Variants in RUNX1 observed in about 807,000 individuals in gnomAD.
RUNX1 encodes RUNX family transcription factor 1, also known as runt-related transcription factor 1.
Under a neutral mutation model 42.8 loss-of-function variants are expected in RUNX1, and 19 were observed. The observed-to-expected ratio is 0.44, with a 90% confidence interval of 0.31 to 0.65. The LOEUF is 0.65. Ranked by LOEUF, RUNX1 falls within the 30% of genes least tolerant of loss-of-function variation. The pLI, the probability that RUNX1 is intolerant of heterozygous loss-of-function variation, is 0.07. For missense variants in RUNX1, 528 were observed against 672.0 expected (o/e 0.79, Z 2.37); for synonymous variants, 271 against 289.4 (o/e 0.94, Z 0.64).
At chr21:34,823,430 G>GGTTTTTTT (rs58016583) in intron 7 of RUNX1, among the ~76,000 whole-genome samples, 1 of 99,712 alleles carries the variant, frequency 1.0e-5, no homozygotes, top group Non-Finnish European at 1.8e-5. Context: ...TTCCTGGTGG[G>GGTTTTTTT]TTTTTTTTTT....
At chr21:35,010,406 C>T (rs2059117299) in intron 2 of RUNX1, among the ~76,000 whole-genome samples, 1 of 152,102 alleles carries the variant, frequency 6.6e-6, no homozygotes, top group African/African-American at 2.4e-5. Context: ...AAGCACCTGA[C>T]AATTAGGTGC....
At chr21:34,934,184 T>G (rs192373206) in intron 2 of RUNX1, among the ~76,000 whole-genome samples, 1 of 152,310 alleles carries the variant, frequency 6.6e-6, no homozygotes, top group Non-Finnish European at 1.5e-5. Flanking sequence ...CCTTTTCTTT[T>G]GCTTTCACTT....
intron 6 of RUNX1, chr21:34,856,222 GGAATGGCAGGTT>G: frequency 2.4e-6 from 1 of 420,442 alleles, no homozygotes; most frequent in African/African-American, 2.0e-5. Context: ...CTTAGTCAGC[GGAATGGCAGGTT>G]GAATGGCAGT....
chr21:34,850,052 A>G (rs1236001234), intron 6 of RUNX1, among the ~76,000 whole-genome samples: 17 of 152,272 alleles, frequency 1.1e-4, no homozygotes, highest in Non-Finnish European at 1.6e-4. Flanking sequence ...AAAAAACTGA[A>G]GCCTTTGAGA....
rs369123316 is a variant in RUNX1 at position 34,791,699 on chromosome 21, C to T, written c.*436G>A. The T allele has an allele frequency of 2.2e-5, 5 of 231,078 alleles. No individual in the cohort carries two copies. The highest frequency in any genetic ancestry group is 4.3e-5 in the Non-Finnish European group (5 of 116,474). The allele number at this position is 231,078 out of a possible 1,614,324, so 14.3% of individuals were successfully genotyped here. On this transcript the variant is annotated 3_prime_UTR_variant, in exon 9 of 9. Coordinates refer to ENST00000675419, the MANE Select transcript of RUNX1 (RefSeq NM_001754.5). ...GCGAGTTGCATCCCTCCTCTCCCCC[C>T]ACCCCAACCAAAATTCCACACTCTT...
rs1469370290 is a variant in RUNX1 at position 35,029,506 on chromosome 21, A to G, written c.58+19336T>C. Among the ~76,000 whole-genome samples, 3 of 152,280 alleles carry G rather than the reference A, an allele frequency of 2.0e-5. No homozygotes were observed. The East Asian group carries it at 5.8e-4, about 29-fold the overall frequency. On this transcript the variant is annotated intron_variant, in intron 2 of 8. Coordinates refer to ENST00000675419, the MANE Select transcript of RUNX1 (RefSeq NM_001754.5). ...GTGGGGTAGTTATGGAGACCACCTG[A>G]GAGAGCCTGGAACACGGTTGGTGCT...
intron 2 of RUNX1, among the ~76,000 whole-genome samples, chr21:34,946,262 A>T (rs1037215161): frequency 6.6e-6 from 1 of 152,162 alleles, no homozygotes; most frequent in Admixed American, 6.5e-5. Context: ...CAAATGCCTT[A>T]TTCTATCCTG....
chr21:35,027,709 GT>G (rs2059247180), intron 2 of RUNX1, among the ~76,000 whole-genome samples: 1 of 152,198 alleles, frequency 6.6e-6, no homozygotes, highest in Non-Finnish European at 1.5e-5. Flanking sequence ...AGGGTGGGAT[GT>G]GGCAAATAAA....
At chr21:34,824,167 A>C (rs1227302289) in intron 7 of RUNX1, among the ~76,000 whole-genome samples, 1 of 152,100 alleles carries the variant, frequency 6.6e-6, no homozygotes, top group East Asian at 1.9e-4. Context: ...TTTTTTCTTA[A>C]AACAGAAAAT....
rs1273429133 is a variant in RUNX1 at position 34,892,892 on chromosome 21, T to G, written c.97+33A>C. On this transcript the variant is annotated intron_variant, in intron 3 of 8. Coordinates refer to ENST00000675419, the MANE Select transcript of RUNX1 (RefSeq NM_001754.5). ...ATACACATCTATGAAGGTGTGTACT[T>G]TATTTAAAAATATAACTTGGAATTT... The G allele has an allele frequency of 3.0e-6, 4 of 1,317,154 alleles. No homozygotes were observed. The African/African-American group carries it at 5.8e-5, about 19-fold the overall frequency. 81.6% of individuals were successfully genotyped at this position (1,317,154 alleles called of 1,614,324 possible).
intron 2 of RUNX1, among the ~76,000 whole-genome samples, chr21:34,987,251 G>A (rs1197107478): frequency 3.9e-5 from 6 of 152,164 alleles, no homozygotes; most frequent in Admixed American, 1.3e-4. Flanking sequence ...ATCTCGCTTC[G>A]TCCGCCTTGT....
intron 6 of RUNX1, among the ~76,000 whole-genome samples, chr21:34,838,428 G>C (rs1424628203): frequency 6.6e-6 from 1 of 152,186 alleles, no homozygotes; most frequent in Non-Finnish European, 1.5e-5. Flanking sequence ...ATACTCAGAA[G>C]ACTGTCATGA....
At position 34,792,453 on chromosome 21, in the gene RUNX1, C is replaced by T. The variant is rs1437818670; in HGVS notation, c.1125G>A (p.Thr375=). 2 of 1,577,310 alleles carry T rather than the reference C, an allele frequency of 1.3e-6. No individual in the cohort carries two copies. Among genetic ancestry groups the T allele is most frequent in the South Asian group, 2.3e-5 (2 of 86,418 alleles). ...GIGMSAMGSA[T]RYHTYLPPPY... is the part of the protein sequence containing the mutation. ...GCGGCGGCAGGTAGGTGTGGTAGCG[C>T]GTGGCCGAGCCCATGGCCGACATGC... The change falls in exon 9 of 9, where the codon ACG becomes ACA. Residue 375 remains threonine, a synonymous_variant. Coordinates refer to ENST00000675419, the MANE Select transcript of RUNX1 (RefSeq NM_001754.5). This position sits in a 1 kb window ranked among gnomAD's most constrained non-coding sequence, Gnocchi z 6.9.
intron 2 of RUNX1, among the ~76,000 whole-genome samples, chr21:34,948,100 T>TTG (rs1491173580): frequency 4.4e-4 from 65 of 148,424 alleles, no homozygotes; most frequent in African/African-American, 1.6e-3. Context: ...TTTTTTTTTT[T>TTG]GGGGGGGGGT....
intron 6 of RUNX1, among the ~76,000 whole-genome samples, chr21:34,853,173 GGACCC>G (rs2057448350): frequency 2.0e-5 from 3 of 152,154 alleles, no homozygotes; most frequent in Non-Finnish European, 4.4e-5. Flanking sequence ...GTCCCCAAGT[GGACCC>G]TGGTGACAGA....
At chr21:34,849,295 AAAATATATAATATATATTATATATATAT>A (rs2057364578) in intron 6 of RUNX1, among the ~76,000 whole-genome samples, 1 of 47,788 alleles carries the variant, frequency 2.1e-5, no homozygotes, top group African/African-American at 7.9e-5. Flanking sequence ...TATTATATAT[AAAATATATAATATATATTATATATATAT>A]TATATATACT....
rs142705679 is a variant in RUNX1, at chr21:35,036,517, T to C, written c.58+12325A>G. ...GGAACTTTCTGTGACTCTGAAGTAG[T>C]CTGTTGTAGAATAACCAGAGGAGAA... On this transcript the variant is annotated intron_variant, in intron 2 of 8. Transcript: ENST00000675419. Among the ~76,000 whole-genome samples the C allele has an allele frequency of 1.1e-3, 167 of 152,234 alleles. 1 individual carries two copies. Among genetic ancestry groups the C allele is most frequent in the Non-Finnish European group, 1.9e-3 (128 of 68,022 alleles).
intron 2 of RUNX1, among the ~76,000 whole-genome samples, chr21:35,015,502 T>C (rs2059152994): frequency 6.6e-6 from 1 of 152,120 alleles, no homozygotes; most frequent in South Asian, 2.1e-4. Flanking sequence ...AAGAAACTCG[T>C]CCTACTCGCC....
chr21:34,807,739 G>A (rs765831820), intron 7 of RUNX1, among the ~76,000 whole-genome samples: 62 of 152,190 alleles, frequency 4.1e-4, no homozygotes, highest in Non-Finnish European at 8.2e-4. Flanking sequence ...GTGTTAGGGC[G>A]AGCCCCAGTG....
Sources: allele counts gnomAD v4.1 joint callset (sites outside exome capture counted in the v4.1 genomes callset), GRCh38; gene constraint gnomAD v4.1.1; non-coding constraint Gnocchi (gnomAD v3.1); transcripts MANE v1.5; gene names NCBI Gene and HGNC (gene_info 2026-07-23, HGNC 2026-07-21).